PAG1: variants seen among roughly 807,000 people sequenced by gnomAD.
The protein encoded by PAG1 is phosphoprotein associated with glycosphingolipid-enriched microdomains 1.
In PAG1, 23 loss-of-function variants were observed where a neutral mutation model predicts 31.7. The ratio of observed to expected loss-of-function variants is 0.73; its 90% confidence interval spans 0.52 to 1.03. PAG1 has a LOEUF of 1.03. PAG1 is among the 50% of genes least tolerant of loss of function. The probability of loss-of-function intolerance (pLI) is 0.00; values close to 1 mark genes in which losing one functional copy is unlikely to be tolerated. For synonymous variants in PAG1, 214 were observed against 210.3 expected (o/e 1.02, Z -0.15); for missense variants, 473 against 540.7 (o/e 0.87, Z 1.24).
intron 2 of PAG1, among the ~76,000 whole-genome samples, chr8:81,033,112 C>T (rs534198794): frequency 1.2e-4 from 18 of 152,166 alleles, no homozygotes; most frequent in Non-Finnish European, 2.2e-4. Context: ...AAATGGATGA[C>T]TTGTATGGTA....
Position 81,054,622 on chromosome 8 carries a change from G to A in PAG1, c.-175+15490C>T, listed in dbSNP as rs148020531. 9.9e-5 allele frequency among the ~76,000 whole-genome samples: 15 copies of A among 152,122 alleles called. No homozygotes were observed. In the East Asian group the frequency reaches 2.9e-3, roughly 29 times the overall value. On this transcript the variant is annotated intron_variant, in intron 2 of 8. Transcript: ENST00000220597. ...ACCTGGGAGATGGAGCTTGCAGTGA[G>A]CCAAGGTGCGCCACTGCACTCCAGC... is the stretch of plus-strand genomic sequence containing the variant.
In PAG1 at chr8:80,984,783, G is replaced by A; in HGVS notation, c.869C>T (p.Thr290Ile). The A allele has an allele frequency of 1.2e-6, 2 of 1,612,902 alleles. No homozygotes were observed. The highest frequency in any genetic ancestry group is 1.7e-6 in the Non-Finnish European group (2 of 1,179,260). ...AAAAACGCCAGTGCCCACCTTGTTA[G>A]TTTCACTGGTCGTGTCTGTGGCACT... The part of the protein sequence containing the change: ...EESATDTTSE[T>I]NKRFSSLSYK... Residue 290 changes from threonine to isoleucine, a missense_variant, in exon 7 of 9, where the codon ACT becomes ATT. Physicochemically the swap from Thr to Ile is moderately conservative, Grantham distance 89 (BLOSUM62 -1). Transcript: ENST00000220597.
chr8:80,993,431 A>G (rs1807601984), intron 3 of PAG1, 124 bp from the exon 4 acceptor site: 1 of 518,846 alleles, frequency 1.9e-6, no homozygotes, highest in Non-Finnish European at 3.4e-6. Flanking sequence ...GATGCTGAGG[A>G]GAGCCCCGGA....
rs1807141991 is a variant in PAG1, at chr8:80,974,362, T to C, written c.*2182A>G. ...CATGTGAGAGATCGCTCAAAGTCAT[T>C]AACACAAAGCAGTGAAAATCATCCA... On this transcript the variant is annotated 3_prime_UTR_variant, in exon 9 of 9. Transcript: ENST00000220597. 2 of 152,158 alleles carry C rather than the reference T, an allele frequency of 1.3e-5. No homozygotes were observed. Among genetic ancestry groups the C allele is most frequent in the Admixed American group, 6.5e-5 (1 of 15,280 alleles). 9.4% of individuals were successfully genotyped at this position (152,158 alleles called of 1,614,324 possible). A position where few individuals can be genotyped will look rare whatever the true frequency, so the allele number is the denominator to read the frequency against.
At chr8:81,067,240 G>T (rs1809023363) in intron 2 of PAG1, among the ~76,000 whole-genome samples, 1 of 152,146 alleles carries the variant, frequency 6.6e-6, no homozygotes, top group Non-Finnish European at 1.5e-5. Flanking sequence ...TGCTAACAAT[G>T]GTTCTCTTTG....
Position 80,974,075 on chromosome 8 carries a change from T to C in PAG1, c.*2469A>G, listed in dbSNP as rs1312311539. 3 of 151,928 alleles carry C rather than the reference T, an allele frequency of 2.0e-5. No homozygotes were observed. The East Asian group carries it at 5.8e-4, about 29-fold the overall frequency. 9.4% of individuals were successfully genotyped at this position (151,928 alleles called of 1,614,324 possible). On this transcript the variant is annotated 3_prime_UTR_variant, in exon 9 of 9. Coordinates refer to ENST00000220597, the MANE Select transcript of PAG1 (RefSeq NM_018440.4). The stretch of plus-strand genomic sequence containing the variant: ...TTTCATAGCCACATTGCAGAACTAA[T>C]ATTTGAAAACTCTTGGGGGAAATTT...
intron 3 of PAG1, among the ~76,000 whole-genome samples, chr8:81,007,051 C>T (rs1049410064): frequency 6.6e-5 from 10 of 152,126 alleles, no homozygotes; most frequent in Non-Finnish European, 1.2e-4. Flanking sequence ...GACAGCCCTG[C>T]CCCCTTCACT....
chr8:81,034,920 G>A (rs1000712795), intron 2 of PAG1, among the ~76,000 whole-genome samples: 2 of 152,174 alleles, frequency 1.3e-5, no homozygotes, highest in African/African-American at 2.4e-5. Context: ...CAAGAGCAGA[G>A]TAGAAGAGCC....
chr8:81,065,704 G>A (rs1362291755), intron 2 of PAG1, among the ~76,000 whole-genome samples: 1 of 151,390 alleles, frequency 6.6e-6, no homozygotes, highest in Non-Finnish European at 1.5e-5. Context: ...GAAAAGTCAG[G>A]GCATATTTTC....
intron 1 of PAG1, among the ~76,000 whole-genome samples, chr8:81,090,201 C>T (rs1311269476): frequency 2.0e-5 from 3 of 152,178 alleles, no homozygotes; most frequent in Non-Finnish European, 4.4e-5. Context: ...TCCCTCTTGG[C>T]TTTATCAATC....
chr8:81,066,283 C>T (rs369950085), intron 2 of PAG1, among the ~76,000 whole-genome samples: 5 of 152,200 alleles, frequency 3.3e-5, no homozygotes, highest in Admixed American at 6.5e-5. Context: ...TAAAACTTAA[C>T]GATATGCTGA....
At chr8:81,040,476 A>G (rs997010150) in intron 2 of PAG1, among the ~76,000 whole-genome samples, 9 of 151,712 alleles carry the variant, frequency 5.9e-5, no homozygotes, top group African/African-American at 2.2e-4. Context: ...CTTAAAAAAA[A>G]ACAACAAAAA....
chr8:80,985,482 T>C (rs1455498993), intron 6 of PAG1, 105 bp from the exon 7 acceptor site: 6 of 1,178,956 alleles, frequency 5.1e-6, no homozygotes, highest in Non-Finnish European at 7.0e-6. Flanking sequence ...GCGTGCTTTT[T>C]ATTTAAGTCT....
At chr8:81,044,946 CTTGT>C (rs1808616586) in intron 2 of PAG1, among the ~76,000 whole-genome samples, 1 of 152,142 alleles carries the variant, frequency 6.6e-6, no homozygotes, top group Non-Finnish European at 1.5e-5. Flanking sequence ...ACTGGCTGTC[CTTGT>C]AAGTGCCCCC....
chr8:80,984,811 C>G lies in PAG1; in HGVS notation c.841G>C (p.Glu281Gln). The change falls in exon 7 of 9, where the codon GAG becomes CAG. Residue 281 changes from glutamate (E) to glutamine (Q), a missense_variant. Transcript: ENST00000220597. ...LQEKEGGEAEESATDTTSETN... is the reference protein window; with the variant it reads ...LQEKEGGEAEQSATDTTSETN... ...TCACTGGTCGTGTCTGTGGCACTCT[C>G]TTCCGCCTCTCCCCCTTCCTTCTCC... 6.2e-7 allele frequency: 1 copy of G among 1,614,150 alleles called. No homozygotes were observed. The highest frequency in any genetic ancestry group is 8.5e-7 in the Non-Finnish European group (1 of 1,179,990).
At chr8:81,005,403 A>T (rs1001750720) in intron 3 of PAG1, among the ~76,000 whole-genome samples, 2 of 152,206 alleles carry the variant, frequency 1.3e-5, no homozygotes, top group African/African-American at 4.8e-5. Flanking sequence ...GGTGGGGGAA[A>T]TCAGTACAAC....
In PAG1 at chr8:80,968,123, C is replaced by A. The variant is rs1207609814; in HGVS notation, c.*8421G>T. 1 of 152,220 alleles carries A rather than the reference C, an allele frequency of 6.6e-6. No homozygotes were observed. The highest frequency in any genetic ancestry group is 1.5e-5 in the Non-Finnish European group (1 of 68,042). The allele number at this position is 152,220 out of a possible 1,614,324, so 9.4% of individuals were successfully genotyped here. ...AATATGCATCAAAACAAAACTTATT[C>A]TTAACATGACTAACAGTATTGTTAT... is the stretch of plus-strand genomic sequence containing the variant. On this transcript the variant is annotated 3_prime_UTR_variant, in exon 9 of 9. Coordinates refer to ENST00000220597, the MANE Select transcript of PAG1 (RefSeq NM_018440.4).
At chr8:81,052,673 G>A (rs1426707395) in intron 2 of PAG1, among the ~76,000 whole-genome samples, 1 of 152,156 alleles carries the variant, frequency 6.6e-6, no homozygotes, top group Non-Finnish European at 1.5e-5. Context: ...TAATCTTTAA[G>A]ATCAATTGTG....
intron 1 of PAG1, among the ~76,000 whole-genome samples, chr8:81,111,056 G>A (rs1409434016): frequency 2.0e-5 from 3 of 152,222 alleles, no homozygotes; most frequent in Admixed American, 2.0e-4. Context: ...CGTTTTATTT[G>A]CCTTAGGGCA....
Sources: allele counts gnomAD v4.1 joint callset (sites outside exome capture counted in the v4.1 genomes callset), GRCh38; gene constraint gnomAD v4.1.1; transcripts MANE v1.5; gene names NCBI Gene and HGNC (gene_info 2026-07-23, HGNC 2026-07-21).